Variants in SRPX observed in about 807,000 individuals in gnomAD.
The protein encoded by SRPX is sushi repeat-containing protein SRPX.
Under a neutral mutation model 38.1 loss-of-function variants are expected in SRPX, and 24 were observed. That is an observed-to-expected ratio of 0.63 (90% CI 0.46 to 0.89). The LOEUF (loss-of-function observed/expected upper bound fraction) is 0.89. SRPX is among the 40% of genes least tolerant of loss of function. The pLI, the probability that SRPX is intolerant of heterozygous loss-of-function variation, is 0.00. For missense variants in SRPX, 416 were observed against 377.8 expected, an observed-to-expected ratio of 1.10 and a Z score of -0.84; for synonymous variants, 184 against 153.8, an observed-to-expected ratio of 1.20 and a Z score of -1.45.
chrX:38,198,929 C>A (rs1451226105), intron 1 of SRPX, among the ~76,000 whole-genome samples: 2 of 110,774 alleles, frequency 1.8e-5, no homozygotes, highest in African/African-American at 6.6e-5. Flanking sequence ...GATCAAGAAA[C>A]AGAACATGGT....
rs996408217 is a variant in SRPX at position 38,149,866 on chromosome X, A to G, written c.1240T>C (p.Phe414Leu). 3.3e-6 allele frequency: 4 copies of G among 1,208,095 alleles called. No homozygotes were observed. Among genetic ancestry groups the G allele is most frequent in the Admixed American group, 2.2e-5 (1 of 45,517 alleles). ...RLLLRIPLYS[F>L]SMVLVDKHGM... ...TGCTTATCCACTAGCACCATACTGA[A>G]GGAGTAGAGTGGGATTCGCAGCAAC... is the stretch of plus-strand genomic sequence containing the variant. The change falls in exon 10 of 10, where the codon TTC becomes CTC. Residue 414 changes from phenylalanine to leucine, a missense_variant. Phe to Leu is a conservative substitution (Grantham distance 22). Transcript: ENST00000378533.
At chrX:38,202,834 C>T (rs1016387146) in intron 1 of SRPX, among the ~76,000 whole-genome samples, 11 of 112,281 alleles carry the variant, frequency 9.8e-5, no homozygotes, top group African/African-American at 3.6e-4. Context: ...AGTGATTTCA[C>T]TGGTGAATTC....
intron 4 of SRPX, among the ~76,000 whole-genome samples, chrX:38,171,275 A>T (rs1198880866): frequency 9.0e-6 from 1 of 111,136 alleles, no homozygotes; most frequent in African/African-American, 3.3e-5. Context: ...AATGCTCATT[A>T]AAAAACAAAA....
intron 1 of SRPX, among the ~76,000 whole-genome samples, chrX:38,218,118 T>C (rs1219366888): frequency 8.9e-6 from 1 of 112,277 alleles, no homozygotes; most frequent in Non-Finnish European, 1.9e-5. Context: ...TGTAGTCTGG[T>C]TTGGCTTTTA....
chrX:38,198,011 G>A (rs1939027664), intron 1 of SRPX, among the ~76,000 whole-genome samples: 1 of 111,891 alleles, frequency 8.9e-6, no homozygotes, highest in Non-Finnish European at 1.9e-5. Flanking sequence ...GTAGGGTGGG[G>A]CTCTACAGCC....
In SRPX at chrX:38,162,365, G is replaced by A. The variant is rs989919465; in HGVS notation, c.654-1311C>T. ...AAGGAGCCCTAGTGAGAGCGAAAAGGGAACAAGACAGCCTTCTCTGAACTC... is the reference window on the plus strand; with the variant it reads ...AAGGAGCCCTAGTGAGAGCGAAAAGAGAACAAGACAGCCTTCTCTGAACTC... On this transcript the variant is annotated intron_variant, in intron 5 of 9. Transcript: ENST00000378533. 3.6e-5 allele frequency among the ~76,000 whole-genome samples: 4 copies of A among 111,787 alleles called. No homozygotes were observed. In the East Asian group the frequency reaches 1.1e-3, roughly 31 times the overall value.
chrX:38,198,608 G>T (rs1175540608), intron 1 of SRPX, among the ~76,000 whole-genome samples: 1 of 111,781 alleles, frequency 8.9e-6, no homozygotes, highest in Non-Finnish European at 1.9e-5. Flanking sequence ...TATGATTCTG[G>T]GCTGTAGCAA....
intron 1 of SRPX, among the ~76,000 whole-genome samples, chrX:38,206,697 A>T (rs1440818853): frequency 8.9e-6 from 1 of 111,875 alleles, no homozygotes; most frequent in Non-Finnish European, 1.9e-5. Context: ...GAGCAGAGAG[A>T]CAGCGAAGAG....
chrX:38,164,920 C>T, intron 4 of SRPX, 25 bp from the exon 5 acceptor site: 1 of 1,198,838 alleles, frequency 8.3e-7, no homozygotes, highest in Non-Finnish European at 1.1e-6. Flanking sequence ...AAAACATTCT[C>T]ATCATCATCA....
intron 1 of SRPX, 135 bp downstream of exon 1, chrX:38,220,561 G>C (rs1171287958): frequency 1.2e-5 from 12 of 993,817 alleles, no homozygotes; most frequent in Non-Finnish European, 1.4e-5. Context: ...CCCCACCCTC[G>C]GGCTGCGAAA....
chrX:38,179,639 G>A (rs1938631007), intron 1 of SRPX, among the ~76,000 whole-genome samples: 1 of 112,003 alleles, frequency 8.9e-6, no homozygotes, highest in Non-Finnish European at 1.9e-5. Context: ...GAGATGTAGA[G>A]TGTGGAAACT....
intron 1 of SRPX, among the ~76,000 whole-genome samples, chrX:38,208,481 G>T (rs1397303434): frequency 8.9e-6 from 1 of 112,000 alleles, no homozygotes; most frequent in African/African-American, 3.2e-5. Flanking sequence ...CATCCCTGTT[G>T]TTACATGTAG....
intron 5 of SRPX, among the ~76,000 whole-genome samples, chrX:38,163,908 C>T (rs1042971861): frequency 9.0e-6 from 1 of 111,575 alleles, no homozygotes; most frequent in African/African-American, 3.3e-5. Flanking sequence ...CAGCCTTTGG[C>T]ACCACCTGGG....
chrX:38,215,739 A>G, intron 1 of SRPX, among the ~76,000 whole-genome samples: 1 of 112,470 alleles, frequency 8.9e-6, no homozygotes, highest in South Asian at 3.7e-4. Flanking sequence ...TCCTCCCCCA[A>G]GTCACACTGT....
intron 1 of SRPX, among the ~76,000 whole-genome samples, chrX:38,213,974 C>G (rs1222277071): frequency 8.9e-6 from 1 of 112,054 alleles, no homozygotes; most frequent in Non-Finnish European, 1.9e-5. Flanking sequence ...ACCTCCAGCA[C>G]TGAAGATTAC....
chrX:38,192,253 A>G (rs1463999324), intron 1 of SRPX, among the ~76,000 whole-genome samples: 1 of 111,768 alleles, frequency 8.9e-6, no homozygotes, highest in Non-Finnish European at 1.9e-5. Flanking sequence ...TATAATTTGA[A>G]ATTGGCTTTT....
At chrX:38,201,585 A>G (rs1315109401) in intron 1 of SRPX, among the ~76,000 whole-genome samples, 1 of 111,684 alleles carries the variant, frequency 9.0e-6, no homozygotes, top group Non-Finnish European at 1.9e-5. Context: ...TAATCCCAAC[A>G]CTTTGGGAGG....
chrX:38,195,259 C>T (rs1223771209), intron 1 of SRPX, among the ~76,000 whole-genome samples: 1 of 110,831 alleles, frequency 9.0e-6, no homozygotes, highest in Non-Finnish European at 1.9e-5. Flanking sequence ...CATTGGTTAC[C>T]TCTGAGGAGA....
chrX:38,207,678 G>GCATGGGAGGGATACAC (rs1414702276), intron 1 of SRPX, among the ~76,000 whole-genome samples: 2 of 112,349 alleles, frequency 1.8e-5, no homozygotes, highest in African/African-American at 3.2e-5. Flanking sequence ...AGAGCTATGA[G>GCATGGGAGGGATACAC]CATGGGAGGG....
Sources: gnomAD v4.1 joint callset for allele counts (sites outside exome capture counted in the v4.1 genomes callset) on GRCh38, gnomAD v4.1.1 for gene constraint, MANE v1.5 for transcripts, NCBI Gene and HGNC (gene_info 2026-07-23, HGNC 2026-07-21) for gene names.